CLDN10: variants seen among roughly 807,000 people sequenced by gnomAD.
CLDN10 encodes claudin 10.
CLDN10 carries 15 observed loss-of-function variants against 22.9 expected under a neutral mutation model. The observed-to-expected ratio is 0.65, with a 90% confidence interval of 0.44 to 1.01. CLDN10 has a LOEUF of 1.01. Among genes scored for constraint, CLDN10 ranks in the 50% least tolerant of loss-of-function variants. The probability of loss-of-function intolerance (pLI) is 0.00; values close to 1 mark genes in which losing one functional copy is unlikely to be tolerated. For synonymous variants in CLDN10, 114 were observed against 111.4 expected (o/e 1.02, Z -0.15); for missense variants, 247 against 287.8 (o/e 0.86, Z 1.03).
chr13:95,566,973 G>T (rs1268769132), intron 3 of CLDN10, among the ~76,000 whole-genome samples: 1 of 152,052 alleles, frequency 6.6e-6, no homozygotes, highest in Non-Finnish European at 1.5e-5. Context: ...CTGTTCCATT[G>T]GTCTATATAT....
chr13:95,493,949 T>C (rs966868337), intron 1 of CLDN10, among the ~76,000 whole-genome samples: 1 of 152,210 alleles, frequency 6.6e-6, no homozygotes, highest in Non-Finnish European at 1.5e-5. Flanking sequence ...CTAATACTAT[T>C]TTAAATCATG....
intron 1 of CLDN10, among the ~76,000 whole-genome samples, chr13:95,544,853 T>C (rs2043492662): frequency 6.6e-6 from 1 of 151,950 alleles, no homozygotes; most frequent in Non-Finnish European, 1.5e-5. Flanking sequence ...CTCAGCTCAC[T>C]GCAACCTCCA....
rs532877198 is a variant in CLDN10, at chr13:95,573,833, G to A, written c.465-3398G>A. Reference sequence around the variant, plus strand: ...GTTGGTTTGCTGTACCCATCAACTCGTCATTTACATTAGGTATTTCTCCTA... The same window carrying A: ...GTTGGTTTGCTGTACCCATCAACTCATCATTTACATTAGGTATTTCTCCTA... On this transcript the variant is annotated intron_variant, in intron 3 of 4. Coordinates refer to ENST00000299339, the MANE Select transcript of CLDN10 (RefSeq NM_006984.5). 7.9e-5 allele frequency among the ~76,000 whole-genome samples: 12 copies of A among 151,724 alleles called. No homozygotes were observed. The East Asian group carries it at 1.2e-3, about 15-fold the overall frequency.
chr13:95,435,659 A>G (rs538251146), intron 1 of CLDN10, among the ~76,000 whole-genome samples: 1 of 152,272 alleles, frequency 6.6e-6, no homozygotes, highest in African/African-American at 2.4e-5. Context: ...AACAGAGGAA[A>G]AGAAGAGTGT....
chr13:95,552,805 T>G lies in CLDN10; in HGVS notation c.52T>G (p.Trp18Gly). 6.2e-7 allele frequency: 1 copy of G among 1,613,994 alleles called. No homozygotes were observed. Residue 18 changes from tryptophan (W) to glycine (G), a missense_variant, in exon 1 of 5, where the codon TGG becomes GGG. By Grantham distance (184) the Trp-to-Gly change is radical. Coordinates refer to ENST00000299339, the MANE Select transcript of CLDN10 (RefSeq NM_006984.5). Reference protein sequence around the residue: ...IIAFMVSISGWVLVSSTLPTD... With the variant: ...IIAFMVSISGGVLVSSTLPTD... Reference sequence around the variant, plus strand: ...CGCCTTCATGGTCTCCATCTCAGGCTGGGTACTGGTGTCCTCCACGCTGCC... The same window carrying G: ...CGCCTTCATGGTCTCCATCTCAGGCGGGGTACTGGTGTCCTCCACGCTGCC...
chr13:95,506,888 T>C (rs2043044311), intron 1 of CLDN10, among the ~76,000 whole-genome samples: 1 of 151,880 alleles, frequency 6.6e-6, no homozygotes, highest in Non-Finnish European at 1.5e-5. Context: ...GGGGAGGGGT[T>C]TGGGGGCAGT....
intron 3 of CLDN10, among the ~76,000 whole-genome samples, chr13:95,567,156 A>G (rs958588342): frequency 2.6e-5 from 4 of 152,192 alleles, no homozygotes; most frequent in African/African-American, 9.7e-5. Context: ...AATATTGTGA[A>G]GAAAGTCAAT....
In CLDN10 at chr13:95,462,590, G is replaced by A. The variant is rs146712271; in HGVS notation, c.214+28543G>A. Among the ~76,000 whole-genome samples, 503 of 152,310 alleles carry A rather than the reference G, an allele frequency of 3.3e-3. 4 individuals are homozygous for A. Among genetic ancestry groups the A allele is most frequent in the Middle Eastern group, 0.01 (3 of 294 alleles). ...GTGGTTGGGAGTCTCTCAGATGCTG[G>A]AAGTGAGGAAAAAGGAGTCAGGGCC... is the stretch of plus-strand genomic sequence containing the variant. On this transcript the variant is annotated intron_variant, in intron 1 of 4. Transcript: ENST00000376873.
exon 1 of CLDN10, chr13:95,433,897 G>A (rs1352683582): frequency 1.2e-6 from 2 of 1,614,200 alleles, no homozygotes; most frequent in Non-Finnish European, 1.7e-6. Flanking sequence ...TCTCGTTGCT[G>A]CTACCACGTC....
chr13:95,460,000 A>T (rs1205869615), intron 1 of CLDN10, among the ~76,000 whole-genome samples: 1 of 152,102 alleles, frequency 6.6e-6, no homozygotes, highest in Non-Finnish European at 1.5e-5. Flanking sequence ...GATACCCTAA[A>T]TCATCTCTCT....
intron 3 of CLDN10, among the ~76,000 whole-genome samples, chr13:95,561,485 T>A (rs1379389117): frequency 6.6e-6 from 1 of 152,200 alleles, no homozygotes; most frequent in East Asian, 1.9e-4. Context: ...AGCAGAGCAC[T>A]GCAAATATTA....
intron 1 of CLDN10, among the ~76,000 whole-genome samples, chr13:95,466,090 A>C (rs2042578968): frequency 6.6e-6 from 1 of 151,602 alleles, no homozygotes; most frequent in African/African-American, 2.4e-5. Context: ...TTTTACCACT[A>C]TTTATTTACT....
chr13:95,503,537 C>T (rs188335392), intron 1 of CLDN10, among the ~76,000 whole-genome samples: 1 of 152,278 alleles, frequency 6.6e-6, no homozygotes, highest in East Asian at 1.9e-4. Context: ...GATATTTGTA[C>T]ACCCATGTTT....
At chr13:95,526,552 G>A (rs1280234988) in intron 1 of CLDN10, among the ~76,000 whole-genome samples, 1 of 152,112 alleles carries the variant, frequency 6.6e-6, no homozygotes, top group Non-Finnish European at 1.5e-5. Flanking sequence ...AATGTTTTGT[G>A]TTTTGAGAAC....
chr13:95,460,427 T>G (rs562235287), intron 1 of CLDN10, among the ~76,000 whole-genome samples: 92 of 152,268 alleles, frequency 6.0e-4, no homozygotes, highest in Non-Finnish European at 1.1e-3. Flanking sequence ...TTTAATTGAC[T>G]CATGGTTCCT....
rs189515514 is a variant in CLDN10, at chr13:95,478,650, C to T, written c.214+44603C>T. Reference sequence around the variant, plus strand: ...CCATTTGGCTTCCTGGGCCACGTTCCTCAGCGCTTCGTTGGTTCTTACCCG... The same window carrying T: ...CCATTTGGCTTCCTGGGCCACGTTCTTCAGCGCTTCGTTGGTTCTTACCCG... On this transcript the variant is annotated intron_variant, in intron 1 of 4. Transcript: ENST00000376873. Among the ~76,000 whole-genome samples, 425 of 152,320 alleles carry T rather than the reference C, an allele frequency of 2.8e-3. 2 individuals are homozygous for T. The highest frequency in any genetic ancestry group is 0.017 in the Middle Eastern group (5 of 294).
chr13:95,525,843 G>T (rs577017280), intron 1 of CLDN10, among the ~76,000 whole-genome samples: 1 of 152,132 alleles, frequency 6.6e-6, no homozygotes, highest in African/African-American at 2.4e-5. Context: ...ATTGACTGCA[G>T]AATAACCTTA....
chr13:95,568,344 G>C (rs2043810880), intron 3 of CLDN10, among the ~76,000 whole-genome samples: 1 of 152,160 alleles, frequency 6.6e-6, no homozygotes, highest in Non-Finnish European at 1.5e-5. Context: ...CAGATCACCA[G>C]AATTACTTAG....
chr13:95,475,512 G>A (rs78607511), intron 1 of CLDN10, among the ~76,000 whole-genome samples: 13,442 of 152,254 alleles, frequency 0.088, 853 homozygotes, highest in South Asian at 0.22. Flanking sequence ...TGTGCTGACT[G>A]AGCACTGGCC....
Sources: allele counts gnomAD v4.1 joint callset (sites outside exome capture counted in the v4.1 genomes callset), GRCh38; gene constraint gnomAD v4.1.1; transcripts MANE v1.5; gene names NCBI Gene and HGNC (gene_info 2026-07-23, HGNC 2026-07-21).